RBFOX3: variants seen among roughly 807,000 people sequenced by gnomAD.
RBFOX3 encodes the protein RNA binding protein fox-1 homolog 3.
A neutral mutation model predicts 48.7 loss-of-function variants in RBFOX3; 17 were observed. The observed-to-expected ratio is 0.35, with a 90% CI of 0.24 to 0.52. The LOEUF is 0.52. RBFOX3 is among the 20% of genes least tolerant of loss of function. The pLI is 0.94. For missense variants in RBFOX3, 382 were observed against 497.5 expected, an observed-to-expected ratio of 0.77 and a Z score of 2.21; for synonymous variants, 212 against 209.5, an observed-to-expected ratio of 1.01 and a Z score of -0.10.
chr17:79,554,658 A>C (rs1167006850), intron 1 of RBFOX3, among the ~76,000 whole-genome samples: 2 of 152,286 alleles, frequency 1.3e-5, no homozygotes, highest in African/African-American at 4.8e-5. Context: ...CTAGCACCTA[A>C]CACAGGGTCT....
At chr17:79,156,159 G>T (rs2045749666) in intron 4 of RBFOX3, among the ~76,000 whole-genome samples, 1 of 152,230 alleles carries the variant, frequency 6.6e-6, no homozygotes, top group Admixed American at 6.5e-5. Context: ...CGCCTCATTT[G>T]CTACGCTCTG....
chr17:79,472,067 G>A (rs778516526), intron 2 of RBFOX3, among the ~76,000 whole-genome samples: 14 of 152,154 alleles, frequency 9.2e-5, no homozygotes, highest in Non-Finnish European at 2.1e-4. Context: ...GACGACGACC[G>A]CCCAGCTGCC....
intron 5 of RBFOX3, among the ~76,000 whole-genome samples, chr17:79,108,246 G>A (rs867523277): frequency 2.6e-5 from 4 of 152,340 alleles, no homozygotes; most frequent in African/African-American, 7.2e-5. Flanking sequence ...TGGAGCGGCC[G>A]TAGAGGAGAC....
intron 1 of RBFOX3, among the ~76,000 whole-genome samples, chr17:79,584,550 A>ATGTG (rs1183852264): frequency 0.018 from 2,735 of 150,146 alleles, 27 homozygotes; most frequent in African/African-American, 0.035. Flanking sequence ...ATGTGTGTGT[A>ATGTG]TGTGTGTGTG....
At position 79,477,111 on chromosome 17, in the gene RBFOX3, T is replaced by TA. The variant is rs1454774924; in HGVS notation, c.-175+5342dup. On this transcript the variant is annotated intron_variant, in intron 2 of 14. Coordinates refer to ENST00000693108, the MANE Select transcript of RBFOX3 (RefSeq NM_001350451.2). The surrounding 1 kb of genome is among the most constrained non-coding windows in gnomAD (Gnocchi z 4.8). The stretch of plus-strand genomic sequence containing the variant: ...AGCCAGGCGTGGTGGTGGGCGCCTG[T>TA]AATCCCAGTTACTCGGGAAGCTGAG... 6.6e-6 allele frequency among the ~76,000 whole-genome samples: 1 copy of TA among 150,638 alleles called. No homozygotes were observed. The highest frequency in any genetic ancestry group is 2.5e-5 in the African/African-American group (1 of 40,814).
At chr17:79,291,848 G>C (rs927250384) in intron 3 of RBFOX3, among the ~76,000 whole-genome samples, 1 of 152,208 alleles carries the variant, frequency 6.6e-6, no homozygotes, top group Admixed American at 6.5e-5. Context: ...TACCTTTGCA[G>C]GTTGGCTATG....
intron 11 of RBFOX3, 63 bp from the exon 12 acceptor site, chr17:79,096,896 G>A (rs1412542366): frequency 4.0e-5 from 25 of 621,708 alleles, no homozygotes; most frequent in Non-Finnish European, 5.4e-5. Flanking sequence ...CACAAACCCC[G>A]GGGCCCATAG....
intron 3 of RBFOX3, among the ~76,000 whole-genome samples, chr17:79,267,401 T>C (rs2066899175): frequency 6.6e-6 from 1 of 151,888 alleles, no homozygotes; most frequent in South Asian, 2.1e-4. Context: ...CTCTTTTTTT[T>C]TTGATTTGAG....
At chr17:79,092,268 C>T (rs1282231719) in intron 14 of RBFOX3, 1 of 985,408 alleles carries the variant, frequency 1.0e-6, no homozygotes, top group East Asian at 1.1e-4. Context: ...TGCCTGGTCT[C>T]CTGGCCCAGC....
intron 4 of RBFOX3, among the ~76,000 whole-genome samples, chr17:79,130,520 C>T (rs1026765837): frequency 6.6e-6 from 1 of 152,252 alleles, no homozygotes; most frequent in Non-Finnish European, 1.5e-5. Flanking sequence ...GATGTCCCCA[C>T]CCTCTTTCTC....
At position 79,234,721 on chromosome 17, in the gene RBFOX3, C is replaced by CTTTTTTTTTTTTT. The variant is rs71161654; in HGVS notation, c.-34+1032_-34+1044dup. 1.9e-4 allele frequency: 12 copies of CTTTTTTTTTTTTT among 61,834 alleles called. 3 individuals are homozygous for CTTTTTTTTTTTTT. The highest frequency in any genetic ancestry group is 9.5e-4 in the African/African-American group (12 of 12,594). 3.8% of individuals were successfully genotyped at this position (61,834 alleles called of 1,614,324 possible). Reference sequence around the variant, plus strand: ...TTGGGTTTATTGGGGGCATTAAGTGCTTTTTTTTTTTTTTTTTTTTTTTTT... The same window carrying CTTTTTTTTTTTTT: ...TTGGGTTTATTGGGGGCATTAAGTGCTTTTTTTTTTTTTTTTTTTTTTTTTTTTTTTTTTTTTT... On this transcript the variant is annotated intron_variant, in intron 4 of 14. Coordinates refer to ENST00000693108, the MANE Select transcript of RBFOX3 (RefSeq NM_001350451.2).
chr17:79,238,750 C>G (rs2061948917), intron 3 of RBFOX3, among the ~76,000 whole-genome samples: 1 of 152,158 alleles, frequency 6.6e-6, no homozygotes, highest in South Asian at 2.1e-4. Flanking sequence ...TTTATTTAGT[C>G]AAGGTGAAAT....
At chr17:79,334,675 C>T (rs949792077) in intron 2 of RBFOX3, among the ~76,000 whole-genome samples, 10 of 152,216 alleles carry the variant, frequency 6.6e-5, no homozygotes, top group Admixed American at 6.5e-4. Context: ...GTCTGCAGGC[C>T]CAAGACTGAG....
At chr17:79,285,099 C>A (rs144744475) in intron 3 of RBFOX3, among the ~76,000 whole-genome samples, 12 of 152,172 alleles carry the variant, frequency 7.9e-5, no homozygotes, top group Admixed American at 1.3e-4. Flanking sequence ...ACCTGCCTTG[C>A]GGATGTGTTG....
intron 1 of RBFOX3, among the ~76,000 whole-genome samples, chr17:79,524,743 T>G (rs1404834678): frequency 6.6e-6 from 1 of 152,174 alleles, no homozygotes; most frequent in African/African-American, 2.4e-5. Flanking sequence ...GGCTCTGCCG[T>G]GCAGCAGGTT....
chr17:79,198,412 C>T lies in RBFOX3; in HGVS notation c.-34+37354G>A, dbSNP rs145866075. On this transcript the variant is annotated intron_variant, in intron 4 of 14. Transcript: ENST00000693108. This position sits in a 1 kb window ranked among gnomAD's most constrained non-coding sequence, Gnocchi z 8.2. ...ACTCAGTGCTAAGGTGACAGTGGAACGCTGGCATCTGTGTCCCGCCTGCCA... is the reference window on the plus strand; with the variant it reads ...ACTCAGTGCTAAGGTGACAGTGGAATGCTGGCATCTGTGTCCCGCCTGCCA... 3.3e-4 allele frequency among the ~76,000 whole-genome samples: 51 copies of T among 152,296 alleles called. No homozygotes were observed. The East Asian group carries it at 7.1e-3, about 21-fold the overall frequency.
chr17:79,144,864 G>A (rs1041533949), intron 4 of RBFOX3, among the ~76,000 whole-genome samples: 37 of 152,176 alleles, frequency 2.4e-4, no homozygotes, highest in African/African-American at 8.7e-4. Context: ...CTTCACAGAT[G>A]TCTCCTGGCC....
intron 2 of RBFOX3, among the ~76,000 whole-genome samples, chr17:79,368,107 G>A (rs2058038494): frequency 6.6e-6 from 1 of 152,190 alleles, no homozygotes; most frequent in Non-Finnish European, 1.5e-5. Context: ...AGAAGTTCCT[G>A]TCCACACCAT....
intron 2 of RBFOX3, among the ~76,000 whole-genome samples, chr17:79,386,784 C>A (rs2060622304): frequency 6.6e-6 from 1 of 152,236 alleles, no homozygotes; most frequent in South Asian, 2.1e-4. Context: ...TTCTGACTAG[C>A]CTGCTAAGAA....
Sources: allele counts gnomAD v4.1 joint callset (sites outside exome capture counted in the v4.1 genomes callset), GRCh38; gene constraint gnomAD v4.1.1; non-coding constraint Gnocchi (gnomAD v3.1); transcripts MANE v1.5; gene names NCBI Gene and HGNC (gene_info 2026-07-23, HGNC 2026-07-21).